Variants in CAMSAP3 observed in about 807,000 individuals in gnomAD.
The protein encoded by CAMSAP3 is calmodulin-regulated spectrin-associated protein 3.
In CAMSAP3, 34 loss-of-function variants were observed where a neutral mutation model predicts 112.5. The ratio of observed to expected loss-of-function variants is 0.30; its 90% confidence interval spans 0.23 to 0.40. The LOEUF is 0.40. Among genes scored for constraint, CAMSAP3 ranks in the 10% least tolerant of loss-of-function variants. The pLI is 1.00. For synonymous variants in CAMSAP3, 868 were observed against 799.8 expected, an observed-to-expected ratio of 1.09 and a Z score of -1.44; for missense variants, 1,602 against 1,770.3, an observed-to-expected ratio of 0.90 and a Z score of 1.71.
At chr19:7,613,950 T>C (rs1314831255) in intron 11 of CAMSAP3, among the ~76,000 whole-genome samples, 4 of 152,000 alleles carry the variant, frequency 2.6e-5, no homozygotes, top group Non-Finnish European at 4.4e-5. Flanking sequence ...CCCTTACCCT[T>C]GCTTTTAGAA....
Position 7,612,477 on chromosome 19 carries a change from C to T in CAMSAP3, c.1984C>T (p.Pro662Ser), listed in dbSNP as rs1037496655. ...EAEEADSGPV[P>S]GGERPAGEGQ... is the part of the protein sequence containing the mutation. ...GGAGGAGGCCGATTCCGGTCCAGTC[C>T]CTGGTGGGGAGCGGCCCGCAGGCGA... is the stretch of plus-strand genomic sequence containing the variant. Residue 662 changes from proline (P) to serine (S), a missense_variant, in exon 11 of 17, where the codon CCT (proline) becomes TCT (serine). Transcript: ENST00000160298. 4 of 1,565,252 alleles carry T rather than the reference C, an allele frequency of 2.6e-6. No individual in the cohort carries two copies. The highest frequency in any genetic ancestry group is 3.5e-6 in the Non-Finnish European group (4 of 1,157,674).
chr19:7,611,423 A>T lies in CAMSAP3; in HGVS notation c.1124-94A>T. On this transcript the variant is annotated intron_variant, in intron 9 of 16. Transcript: ENST00000160298. This position sits in a 1 kb window ranked among gnomAD's most constrained non-coding sequence, Gnocchi z 6.9. ...CCACATAATGAGCCATCAGTGACTC[A>T]CCCAATGACCTTGCAGAGGTTGTCC... 8.1e-7 allele frequency: 1 copy of T among 1,227,170 alleles called. No homozygotes were observed. The allele number at this position is 1,227,170 out of a possible 1,614,324, so 76.0% of individuals were successfully genotyped here. A position where few individuals can be genotyped will look rare whatever the true frequency, so the allele number is the denominator to read the frequency against.
chr19:7,617,031 C>G lies in CAMSAP3; in HGVS notation c.3213-295C>G, dbSNP rs1407278072. On this transcript the variant is annotated intron_variant, in intron 14 of 16. Transcript: ENST00000160298. The surrounding 1 kb of genome is among the most constrained non-coding windows in gnomAD (Gnocchi z 7.5). ...TGGCGCAATCTTGGCTCACGGCAACCTCCGCCCCCTGGGTGCAAGTGATTC... is the reference window on the plus strand; with the variant it reads ...TGGCGCAATCTTGGCTCACGGCAACGTCCGCCCCCTGGGTGCAAGTGATTC... Among the ~76,000 whole-genome samples the G allele has an allele frequency of 6.8e-6, 1 of 147,436 alleles. No homozygotes were observed. Among genetic ancestry groups the G allele is most frequent in the Non-Finnish European group, 1.5e-5 (1 of 67,428 alleles).
Position 7,612,089 on chromosome 19 carries a change from T to A in CAMSAP3, c.1596T>A (p.Cys532Ter). The change falls in exon 11 of 17, where the codon TGT becomes TGA. Residue 532 changes from cysteine to a stop codon, truncating the protein, a stop_gained. Coordinates refer to ENST00000160298, the MANE Select transcript of CAMSAP3 (RefSeq NM_020902.2). LOFTEE classifies it high-confidence loss of function. ...HPETPSKPSP[C>*]LVGEASKPPA... is the part of the protein sequence containing the mutation. ...AGACCCCCTCGAAACCATCTCCCTG[T>A]CTGGTGGGGGAGGCATCGAAACCGC... 1 of 1,608,798 alleles carries A rather than the reference T, an allele frequency of 6.2e-7. No individual in the cohort carries two copies. Among genetic ancestry groups the A allele is most frequent in the Non-Finnish European group, 8.5e-7 (1 of 1,176,572 alleles).
rs2030543853 is a variant in CAMSAP3, at chr19:7,612,393, A to C, written c.1900A>C (p.Lys634Gln). The change falls in exon 11 of 17, where the codon AAA (lysine) becomes CAA (glutamine). Residue 634 changes from lysine to glutamine, a missense_variant. Physicochemically the swap from Lys to Gln is moderately conservative, Grantham distance 53 (BLOSUM62 1). Coordinates refer to ENST00000160298, the MANE Select transcript of CAMSAP3 (RefSeq NM_020902.2). ...IFAKHRQRLGKSAFLQVQPRE... is the reference protein window; with the variant it reads ...IFAKHRQRLGQSAFLQVQPRE... ...CGCCAAGCACCGCCAGCGGCTGGGC[A>C]AAAGCGCCTTCCTGCAGGTGCAGCC... 6.3e-7 allele frequency: 1 copy of C among 1,597,560 alleles called. No individual in the cohort carries two copies. The highest frequency in any genetic ancestry group is 8.5e-7 in the Non-Finnish European group (1 of 1,174,902).
At position 7,615,374 on chromosome 19, in the gene CAMSAP3, G is replaced by A. The variant is rs1196560412; in HGVS notation, c.2811-44G>A. On this transcript the variant is annotated intron_variant, in intron 12 of 16. Coordinates refer to ENST00000160298, the MANE Select transcript of CAMSAP3 (RefSeq NM_020902.2). The surrounding 1 kb of genome is among the most constrained non-coding windows in gnomAD (Gnocchi z 6.5). ...CGCTCCTTGGCCTGTCTGCCACCGCGGACCCCGTGAGCGGTTCTGATGCCG... is the reference window on the plus strand; with the variant it reads ...CGCTCCTTGGCCTGTCTGCCACCGCAGACCCCGTGAGCGGTTCTGATGCCG... The A allele has an allele frequency of 3.9e-6, 6 of 1,533,762 alleles. No individual in the cohort carries two copies. The highest frequency in any genetic ancestry group is 1.7e-4 in the Middle Eastern group (1 of 5,744).
chr19:7,599,230 C>T (rs576593658), intron 1 of CAMSAP3, among the ~76,000 whole-genome samples: 43 of 151,700 alleles, frequency 2.8e-4, no homozygotes, highest in African/African-American at 1.0e-3. Context: ...TCCATCCACC[C>T]ACCCATTCAT....
intron 11 of CAMSAP3, chr19:7,614,793 C>T (rs970126178): frequency 4.3e-5 from 13 of 301,410 alleles, no homozygotes; most frequent in Admixed American, 9.3e-5. Context: ...CTGCTCTGTA[C>T]GCCCACCTAG....
intron 14 of CAMSAP3, among the ~76,000 whole-genome samples, chr19:7,616,951 T>TTTTTTG (rs1555763700): frequency 1.0e-4 from 14 of 137,238 alleles, no homozygotes; most frequent in Admixed American, 3.6e-4. Context: ...TTTTTTTTTT[T>TTTTTTG]TTTTTTTGTT....
chr19:7,603,741 T>C (rs2030073137), intron 1 of CAMSAP3, among the ~76,000 whole-genome samples: 1 of 152,164 alleles, frequency 6.6e-6, no homozygotes, highest in Non-Finnish European at 1.5e-5. Context: ...TCCCAGCTAC[T>C]CAGGAGGCTG....
intron 5 of CAMSAP3, among the ~76,000 whole-genome samples, chr19:7,609,312 C>T (rs1383557854): frequency 1.6e-5 from 2 of 126,500 alleles, no homozygotes; most frequent in Non-Finnish European, 3.2e-5. Context: ...AGCGAGACTC[C>T]ATCTCAAAAA....
Position 7,596,045 on chromosome 19 carries a change from A to G in CAMSAP3, c.43A>G (p.Thr15Ala). The change falls in exon 1 of 17, where the codon ACC becomes GCC. Residue 15 changes from threonine (T) to alanine (A), a missense_variant. Coordinates refer to ENST00000160298, the MANE Select transcript of CAMSAP3 (RefSeq NM_020902.2). ...CCCCGGGCCCGGGCCGCTGCGGAGG[A>G]CCTTTCTAGTGCCCGAGATCAAGTC... ...APPGPGPLRR[T>A]FLVPEIKSLD... The G allele has an allele frequency of 8.0e-7, 1 of 1,247,920 alleles. No individual in the cohort carries two copies. Among genetic ancestry groups the G allele is most frequent in the Non-Finnish European group, 1.0e-6 (1 of 969,644 alleles). The allele number at this position is 1,247,920 out of a possible 1,614,324, so 77.3% of individuals were successfully genotyped here. A position where few individuals can be genotyped will look rare whatever the true frequency, so the allele number is the denominator to read the frequency against.
Position 7,617,832 on chromosome 19 carries a change from G to C in CAMSAP3, c.3525G>C (p.Leu1175=), listed in dbSNP as rs369401359. The change falls in exon 17 of 17, where the codon CTG becomes CTC. Residue 1175 remains leucine (L), a synonymous_variant. Coordinates refer to ENST00000160298, the MANE Select transcript of CAMSAP3 (RefSeq NM_020902.2). This position sits in a 1 kb window ranked among gnomAD's most constrained non-coding sequence, Gnocchi z 7.5. ...SSCQFRALYT[L]SGETEELSRL... ...GCCAGTTCCGGGCGCTCTACACGCTGTCGGGGGAGACAGAGGAGCTGTCGC... is the reference window on the plus strand; with the variant it reads ...GCCAGTTCCGGGCGCTCTACACGCTCTCGGGGGAGACAGAGGAGCTGTCGC... The C allele has an allele frequency of 1.4e-5, 22 of 1,613,858 alleles. No homozygotes were observed. The highest frequency in any genetic ancestry group is 2.2e-5 in the East Asian group (1 of 44,904).
At chr19:7,614,259 C>CAAAAAAAAAAAAAAA (rs1173068955) in intron 11 of CAMSAP3, among the ~76,000 whole-genome samples, 235 of 18,770 alleles carry the variant, frequency 0.013, 29 homozygotes, top group Non-Finnish European at 0.016. Flanking sequence ...GACTCCATCT[C>CAAAAAAAAAAAAAAA]AAAAAAAAAA....
At position 7,607,829 on chromosome 19, in the gene CAMSAP3, T is replaced by G. The variant is rs1280830086; in HGVS notation, c.622-297T>G. 7.3e-7 allele frequency: 1 copy of G among 1,368,958 alleles called. No individual in the cohort carries two copies. Among genetic ancestry groups the G allele is most frequent in the Non-Finnish European group, 9.8e-7 (1 of 1,015,892 alleles). 84.8% of individuals were successfully genotyped at this position (1,368,958 alleles called of 1,614,324 possible). A position where few individuals can be genotyped will look rare whatever the true frequency, so the allele number is the denominator to read the frequency against. On this transcript the variant is annotated intron_variant, in intron 4 of 16. Coordinates refer to ENST00000160298, the MANE Select transcript of CAMSAP3 (RefSeq NM_020902.2). This position sits in a 1 kb window ranked among gnomAD's most constrained non-coding sequence, Gnocchi z 4.9. Reference sequence around the variant, plus strand: ...TGCTCCTCTCCCCCCAGCACGCAATTGCCTTCTGTTTGAAGGAGTCGGGGA... The same window carrying G: ...TGCTCCTCTCCCCCCAGCACGCAATGGCCTTCTGTTTGAAGGAGTCGGGGA...
In CAMSAP3 at chr19:7,612,942, C is replaced by T; in HGVS notation, c.2449C>T (p.Gln817Ter). The T allele has an allele frequency of 6.2e-7, 1 of 1,609,268 alleles. No homozygotes were observed. The highest frequency in any genetic ancestry group is 8.5e-7 in the Non-Finnish European group (1 of 1,179,004). Residue 817 changes from glutamine to a stop codon, truncating the protein, a stop_gained, in exon 11 of 17, where the codon CAG (glutamine) becomes TAG (stop). Transcript: ENST00000160298. LOFTEE classifies it high-confidence loss of function. ...LPHLRKFSPS[Q>*]VPVQTRSSIL... ...CCACCTGCGCAAGTTCTCGCCGAGC[C>T]AGGTGCCCGTGCAGACGCGCTCTTC...
intron 1 of CAMSAP3, among the ~76,000 whole-genome samples, chr19:7,596,835 C>T (rs969193867): frequency 1.3e-5 from 2 of 152,128 alleles, no homozygotes; most frequent in Admixed American, 1.3e-4. Flanking sequence ...TACAAGATCG[C>T]CTGGGGTGGG....
At position 7,617,294 on chromosome 19, in the gene CAMSAP3, C is replaced by T. The variant is rs564183904; in HGVS notation, c.3213-32C>T. On this transcript the variant is annotated intron_variant, in intron 14 of 16. Transcript: ENST00000160298. This position sits in a 1 kb window ranked among gnomAD's most constrained non-coding sequence, Gnocchi z 7.5. ...GACCCCACCTCCATCCCATCCTGAC[C>T]CCACCTCCATCCCATCCTTCTCCCA... The T allele has an allele frequency of 4.6e-6, 7 of 1,510,652 alleles. No individual in the cohort carries two copies. In the African/African-American group the frequency reaches 9.6e-5, roughly 21 times the overall value. The allele number at this position is 1,510,652 out of a possible 1,614,324, so 93.6% of individuals were successfully genotyped here.
chr19:7,616,197 CAA>C lies in CAMSAP3; in HGVS notation c.3113-311_3113-310del, dbSNP rs74266728. 1.5e-3 allele frequency among the ~76,000 whole-genome samples: 142 copies of C among 94,446 alleles called. 1 individual carries two copies. In the Middle Eastern group the frequency reaches 0.018, roughly 12 times the overall value. The allele number at this position is 94,446 out of a possible 152,430, so 62.0% of individuals were successfully genotyped here. On this transcript the variant is annotated intron_variant, in intron 13 of 16. Coordinates refer to ENST00000160298, the MANE Select transcript of CAMSAP3 (RefSeq NM_020902.2). ...GCGAGACTCCGTCTCAGAAATAAGA[CAA>C]AAAAAAAAAAAAAAGACTTCCATAG...
Sources: allele counts gnomAD v4.1 joint callset (sites outside exome capture counted in the v4.1 genomes callset), GRCh38; gene constraint gnomAD v4.1.1; non-coding constraint Gnocchi (gnomAD v3.1); transcripts MANE v1.5; gene names NCBI Gene and HGNC (gene_info 2026-07-23, HGNC 2026-07-21).